The following MIGA2 variants were observed in gnomAD, a reference collection of about 807,000 sequenced individuals.
The protein encoded by MIGA2 is family with sequence similarity 73, member B.
In MIGA2, 36 loss-of-function variants were observed where a neutral mutation model predicts 69.9. The observed-to-expected ratio is 0.52, with a 90% CI of 0.39 to 0.68. The LOEUF is 0.68. MIGA2 is among the 30% of genes least tolerant of loss of function. MIGA2 has a pLI of 0.00. For synonymous variants in MIGA2, 333 were observed against 349.2 expected, an observed-to-expected ratio of 0.95 and a Z score of 0.52; for missense variants, 660 against 787.7, an observed-to-expected ratio of 0.84 and a Z score of 1.94.
chr9:129,045,441 C>T (rs1484406066), intron 3 of MIGA2, among the ~76,000 whole-genome samples: 2 of 20,050 alleles, frequency 1.0e-4, no homozygotes, highest in Admixed American at 4.4e-4. Context: ...GACTCTGTCT[C>T]AAAAAAAAAA....
rs1291087605 is a variant in MIGA2, at chr9:129,061,198, T to C, written c.895-33T>C. On this transcript the variant is annotated intron_variant, in intron 8 of 15. Transcript: ENST00000684074. The surrounding 1 kb of genome is among the most constrained non-coding windows in gnomAD (Gnocchi z 5.0). The stretch of plus-strand genomic sequence containing the variant: ...GCCGTGGCGTGCTGCTCACATGGGC[T>C]TCCCTGGTCTCTTCCTCTGCACCCT... 1.3e-6 allele frequency: 2 copies of C among 1,580,202 alleles called. No homozygotes were observed. The highest frequency in any genetic ancestry group is 1.1e-5 in the South Asian group (1 of 87,984).
At chr9:129,041,683 G>A (rs144902386) in intron 2 of MIGA2, among the ~76,000 whole-genome samples, 73 of 152,254 alleles carry the variant, frequency 4.8e-4, no homozygotes, top group East Asian at 2.9e-3. Flanking sequence ...AGGGGTCAGT[G>A]CCCTCCCTGA....
chr9:129,053,236 AATG>A (rs1845636011), intron 6 of MIGA2, among the ~76,000 whole-genome samples: 1 of 152,096 alleles, frequency 6.6e-6, no homozygotes, highest in Non-Finnish European at 1.5e-5. Flanking sequence ...GTGCTCAGTT[AATG>A]ATCTGTGGCA....
intron 9 of MIGA2, among the ~76,000 whole-genome samples, chr9:129,062,349 G>A (rs1172126813): frequency 2.0e-5 from 3 of 151,674 alleles, no homozygotes; most frequent in Non-Finnish European, 4.4e-5. Context: ...TGGCCAATAT[G>A]GTGTAAACCC....
intron 6 of MIGA2, among the ~76,000 whole-genome samples, chr9:129,052,018 G>A (rs1013647502): frequency 7.9e-5 from 12 of 152,020 alleles, no homozygotes; most frequent in African/African-American, 2.9e-4. Context: ...AGCAGAGACA[G>A]GGTTTCACTG....
intron 6 of MIGA2, chr9:129,051,310 A>G (rs1845524812): frequency 1.2e-5 from 2 of 169,978 alleles, no homozygotes; most frequent in African/African-American, 2.7e-5. Flanking sequence ...ACGGAGTCTC[A>G]CTCTGTTGCC....
chr9:129,062,633 C>G (rs1276033458), intron 9 of MIGA2, among the ~76,000 whole-genome samples: 1 of 151,566 alleles, frequency 6.6e-6, no homozygotes, highest in South Asian at 2.1e-4. Context: ...CACTTGAGGT[C>G]AGGAGTTCAA....
At position 129,042,351 on chromosome 9, in the gene MIGA2, C is replaced by G. The variant is rs1363009373; in HGVS notation, c.144C>G (p.Leu48=). ...LRLTPGLRKV[L]FATALGTVAL... is the part of the protein sequence containing the mutation. ...TGACGCCAGGCCTGCGGAAAGTCCT[C>G]TTTGCCACGGCCCTGGGGACTGTGG... Residue 48 remains leucine, a synonymous_variant, in exon 3 of 16, where the codon CTC becomes CTG. Transcript: ENST00000684074. 1 of 1,613,226 alleles carries G rather than the reference C, an allele frequency of 6.2e-7. No homozygotes were observed. Among genetic ancestry groups the G allele is most frequent in the Non-Finnish European group, 8.5e-7 (1 of 1,180,050 alleles).
intron 10 of MIGA2, 59 bp from the exon 11 acceptor site, chr9:129,063,486 T>A: frequency 3.1e-6 from 5 of 1,595,698 alleles, no homozygotes; most frequent in Non-Finnish European, 3.4e-6. Flanking sequence ...GCCCTCTCCG[T>A]GGGCTTTGAG....
intron 1 of MIGA2, among the ~76,000 whole-genome samples, chr9:129,039,302 G>A (rs1474527606): frequency 6.6e-6 from 1 of 151,468 alleles, no homozygotes; most frequent in Non-Finnish European, 1.5e-5. Context: ...CTGGAGTGCA[G>A]TGGCGCGATC....
chr9:129,071,766 A>T lies in MIGA2; in HGVS notation c.*1313A>T, dbSNP rs1174150919. 2 of 152,290 alleles carry T rather than the reference A, an allele frequency of 1.3e-5. No individual in the cohort carries two copies. Among genetic ancestry groups the T allele is most frequent in the Non-Finnish European group, 2.9e-5 (2 of 67,976 alleles). The allele number at this position is 152,290 out of a possible 1,614,324, so 9.4% of individuals were successfully genotyped here. A position where few individuals can be genotyped will look rare whatever the true frequency, so the allele number is the denominator to read the frequency against. ...ACCCGCCTCCCAGGCTGATGCCCGG[A>T]GGCAGCTTCCTGGGCAGGAGGGTTC... On this transcript the variant is annotated 3_prime_UTR_variant, in exon 16 of 16. Coordinates refer to ENST00000684074, the MANE Select transcript of MIGA2 (RefSeq NM_001329990.2).
At chr9:129,050,095 T>C (rs1845441764) in intron 6 of MIGA2, 132 bp downstream of exon 6, 1 of 1,252,412 alleles carries the variant, frequency 8.0e-7, no homozygotes, top group African/African-American at 1.5e-5. Context: ...GAGGGTGTCT[T>C]GATGTGAAAC....
chr9:129,051,247 C>T (rs546744641), intron 6 of MIGA2: 26 of 172,096 alleles, frequency 1.5e-4, no homozygotes, highest in Admixed American at 8.5e-4. Context: ...AAGTTTTCAA[C>T]AGTGAATTAT....
At chr9:129,049,760 T>A in intron 5 of MIGA2, 67 bp from the exon 6 acceptor site, 1 of 1,608,244 alleles carries the variant, frequency 6.2e-7, no homozygotes, top group Non-Finnish European at 8.5e-7. Flanking sequence ...TCCTTGATGT[T>A]CTGAGCCCCC....
chr9:129,044,926 G>A (rs766893185), intron 3 of MIGA2, among the ~76,000 whole-genome samples: 4 of 148,986 alleles, frequency 2.7e-5, no homozygotes, highest in African/African-American at 7.4e-5. Context: ...AAGGCCAGGC[G>A]CGGTGGCTCA....
Position 129,071,946 on chromosome 9 carries a change from A to G in MIGA2, c.*1493A>G, listed in dbSNP as rs146955275. On this transcript the variant is annotated 3_prime_UTR_variant, in exon 16 of 16. Transcript: ENST00000684074. ...GTGGGCCTTGGCCCCGCCCACTCTG[A>G]TTTGCATTTTCATTTGTGTTTGTTT... 3 of 152,622 alleles carry G rather than the reference A, an allele frequency of 2.0e-5. No homozygotes were observed. The highest frequency in any genetic ancestry group is 4.4e-5 in the Non-Finnish European group (3 of 68,000). 9.5% of individuals were successfully genotyped at this position (152,622 alleles called of 1,614,324 possible). A position where few individuals can be genotyped will look rare whatever the true frequency, so the allele number is the denominator to read the frequency against.
intron 15 of MIGA2, 100 bp downstream of exon 15, chr9:129,070,065 C>A: frequency 7.9e-7 from 1 of 1,268,900 alleles, no homozygotes; most frequent in Non-Finnish European, 1.1e-6. Flanking sequence ...CCTGGGCCTG[C>A]TCCCAGAGAG....
intron 3 of MIGA2, among the ~76,000 whole-genome samples, chr9:129,044,975 G>A (rs1245547302): frequency 6.4e-5 from 9 of 139,878 alleles, no homozygotes; most frequent in African/African-American, 2.1e-4. Flanking sequence ...TAAAGCAGGC[G>A]GATCCCGAGG....
At chr9:129,044,908 GC>G (rs1845129980) in intron 3 of MIGA2, among the ~76,000 whole-genome samples, 1 of 150,254 alleles carries the variant, frequency 6.7e-6, no homozygotes, top group Non-Finnish European at 1.5e-5. Flanking sequence ...GTTTTAAGAA[GC>G]AAAAGTAAGG....
Sources: gnomAD v4.1 joint callset for allele counts (sites outside exome capture counted in the v4.1 genomes callset) on GRCh38, gnomAD v4.1.1 for gene constraint, Gnocchi (gnomAD v3.1) non-coding constraint, MANE v1.5 for transcripts, NCBI Gene and HGNC (gene_info 2026-07-23, HGNC 2026-07-21) for gene names.